The following FZD3 variants were observed in gnomAD, a reference collection of about 807,000 sequenced individuals.
The protein encoded by FZD3 is frizzled class receptor 3.
Under a neutral mutation model 60.7 loss-of-function variants are expected in FZD3, and 30 were observed. The ratio of observed to expected loss-of-function variants is 0.49; its 90% CI spans 0.37 to 0.67. FZD3 has a LOEUF of 0.67. Among genes scored for constraint, FZD3 ranks in the 30% least tolerant of loss-of-function variants. The pLI, the probability that FZD3 is intolerant of heterozygous loss-of-function variation, is 0.00. For missense variants in FZD3, 605 were observed against 838.7 expected, an observed-to-expected ratio of 0.72 and a Z score of 3.44; for synonymous variants, 246 against 275.2, an observed-to-expected ratio of 0.89 and a Z score of 1.05.
rs1052841863 is a variant in FZD3 at position 28,569,627 on chromosome 8, G to A, written c.*6616G>A. 2.6e-5 allele frequency: 4 copies of A among 151,564 alleles called. No homozygotes were observed. Among genetic ancestry groups the A allele is most frequent in the Non-Finnish European group, 5.9e-5 (4 of 67,906 alleles). The allele number at this position is 151,564 out of a possible 1,614,324, so 9.4% of individuals were successfully genotyped here. On this transcript the variant is annotated 3_prime_UTR_variant, in exon 8 of 8. Coordinates refer to ENST00000240093, the MANE Select transcript of FZD3 (RefSeq NM_017412.4). Reference sequence around the variant, plus strand: ...TAACGTCATTTACATGTAAATTGATGGGATTCAGATATTTTATCAACTGTT... The same window carrying A: ...TAACGTCATTTACATGTAAATTGATAGGATTCAGATATTTTATCAACTGTT...
Position 28,567,727 on chromosome 8 carries a change from C to T in FZD3, c.*4716C>T, listed in dbSNP as rs1055011066. 6.6e-6 allele frequency: 1 copy of T among 152,062 alleles called. No individual in the cohort carries two copies. Among genetic ancestry groups the T allele is most frequent in the African/African-American group, 2.4e-5 (1 of 41,398 alleles). 9.4% of individuals were successfully genotyped at this position (152,062 alleles called of 1,614,324 possible). ...TCTTTAAATCGGTCATCCAATTAAC[C>T]TTTAAAAAGTAGGTTATGCTCTTAA... is the stretch of plus-strand genomic sequence containing the variant. On this transcript the variant is annotated 3_prime_UTR_variant, in exon 8 of 8. Coordinates refer to ENST00000240093, the MANE Select transcript of FZD3 (RefSeq NM_017412.4).
At chr8:28,514,720 C>G (rs1329666705) in intron 3 of FZD3, among the ~76,000 whole-genome samples, 2 of 152,144 alleles carry the variant, frequency 1.3e-5, no homozygotes, top group African/African-American at 2.4e-5. Context: ...TTTTTAAAAA[C>G]TTCATTCCTG....
At chr8:28,552,055 CT>C (rs1352092063) in intron 6 of FZD3, among the ~76,000 whole-genome samples, 2 of 152,288 alleles carry the variant, frequency 1.3e-5, no homozygotes, top group East Asian at 3.9e-4. Context: ...CAAATTAATG[CT>C]TTTCTCTACA....
At position 28,566,843 on chromosome 8, in the gene FZD3, TTA is replaced by T. The variant is rs1223187575; in HGVS notation, c.*3834_*3835del. The stretch of plus-strand genomic sequence containing the variant: ...CATGATGTCAACTGGGCTGGTCATT[TTA>T]TTTCTCTGAGTCTTTGTTTCTTCAA... On this transcript the variant is annotated 3_prime_UTR_variant, in exon 8 of 8. Transcript: ENST00000240093. 6.6e-6 allele frequency: 1 copy of T among 152,220 alleles called. No homozygotes were observed. Among genetic ancestry groups the T allele is most frequent in the Non-Finnish European group, 1.5e-5 (1 of 68,034 alleles). The allele number at this position is 152,220 out of a possible 1,614,324, so 9.4% of individuals were successfully genotyped here. A position where few individuals can be genotyped will look rare whatever the true frequency, so the allele number is the denominator to read the frequency against.
chr8:28,497,603 A>G (rs975780310), intron 1 of FZD3, among the ~76,000 whole-genome samples: 4 of 152,198 alleles, frequency 2.6e-5, no homozygotes, highest in Admixed American at 2.6e-4. Context: ...CCTTTAGATG[A>G]TCTTTCTCAA....
chr8:28,540,837 C>T (rs1805147488), intron 5 of FZD3, among the ~76,000 whole-genome samples: 1 of 152,034 alleles, frequency 6.6e-6, no homozygotes, highest in Admixed American at 6.6e-5. Flanking sequence ...CCCAGATACT[C>T]AGGAGGCTGA....
intron 3 of FZD3, among the ~76,000 whole-genome samples, chr8:28,510,119 TTTTTTTG>T (rs1249235955): frequency 6.8e-6 from 1 of 147,200 alleles, no homozygotes; most frequent in African/African-American, 2.5e-5. Flanking sequence ...TTTGTTTTTG[TTTTTTTG>T]TTTTTTGTTT....
At chr8:28,555,432 TGAAG>T (rs1260966590) in intron 6 of FZD3, among the ~76,000 whole-genome samples, 2 of 152,146 alleles carry the variant, frequency 1.3e-5, no homozygotes, top group East Asian at 1.9e-4. Context: ...GATGAAGAAA[TGAAG>T]GAAAGAAAGA....
chr8:28,497,159 T>G (rs1803865487), intron 1 of FZD3, among the ~76,000 whole-genome samples: 1 of 152,236 alleles, frequency 6.6e-6, no homozygotes, highest in Non-Finnish European at 1.5e-5. Context: ...TTCCTCTGTG[T>G]GTGTGTTTTA....
intron 5 of FZD3, among the ~76,000 whole-genome samples, chr8:28,537,579 A>G (rs1805050059): frequency 6.6e-6 from 1 of 152,234 alleles, no homozygotes. Flanking sequence ...ATAGACAGTA[A>G]GTCAGCAAAT....
intron 3 of FZD3, among the ~76,000 whole-genome samples, chr8:28,510,237 G>T (rs540164036): frequency 6.6e-6 from 1 of 152,186 alleles, no homozygotes; most frequent in East Asian, 1.9e-4. Context: ...TTCAATGTCT[G>T]TTGATGGACA....
intron 3 of FZD3, among the ~76,000 whole-genome samples, chr8:28,510,179 T>C (rs1804248437): frequency 6.6e-6 from 1 of 152,170 alleles, no homozygotes; most frequent in South Asian, 2.1e-4. Flanking sequence ...ATGATCCTTA[T>C]TTTTTTATAG....
rs1224684762 is a variant in FZD3 at position 28,527,768 on chromosome 8, G to A, written c.1008G>A (p.Trp336Ter). The A allele has an allele frequency of 6.2e-7, 1 of 1,614,150 alleles. No homozygotes were observed. The highest frequency in any genetic ancestry group is 1.1e-5 in the South Asian group (1 of 91,078). The change falls in exon 5 of 8, where the codon TGG becomes TGA. Residue 336 changes from tryptophan to a stop codon, truncating the protein, a stop_gained. Coordinates refer to ENST00000240093, the MANE Select transcript of FZD3 (RefSeq NM_017412.4). LOFTEE classifies it high-confidence loss of function. This position sits in a 1 kb window ranked among gnomAD's most constrained non-coding sequence, Gnocchi z 5.0. Reference protein sequence around the residue: ...KKALLFHASAWGIPGTLTIIL... With the variant: ...KKALLFHASA The stretch of plus-strand genomic sequence containing the variant: ...CATTGCTGTTTCACGCCAGTGCATG[G>A]GGCATCCCCGGAACTCTAACCATCA...
chr8:28,512,379 G>A (rs1369391650), intron 3 of FZD3, among the ~76,000 whole-genome samples: 4 of 152,090 alleles, frequency 2.6e-5, no homozygotes, highest in Admixed American at 6.6e-5. Context: ...TCCTGGTTTG[G>A]TTGAAAAACA....
intron 4 of FZD3, among the ~76,000 whole-genome samples, chr8:28,526,128 T>A (rs1563391785): frequency 1.3e-5 from 2 of 152,092 alleles, no homozygotes; most frequent in South Asian, 4.1e-4. Context: ...ATAGATATAT[T>A]AGTATTGGGT....
chr8:28,561,745 A>C (rs1241111040), intron 7 of FZD3, among the ~76,000 whole-genome samples: 1 of 152,220 alleles, frequency 6.6e-6, no homozygotes, highest in African/African-American at 2.4e-5. Flanking sequence ...ATAGGTGTTA[A>C]GTATAAACAA....
chr8:28,498,923 A>T (rs1311146180), intron 1 of FZD3, among the ~76,000 whole-genome samples: 1 of 152,232 alleles, frequency 6.6e-6, no homozygotes, highest in Non-Finnish European at 1.5e-5. Context: ...TTGATTGGTT[A>T]TCTGATTTTT....
At chr8:28,524,930 T>G (rs1585969692) in intron 4 of FZD3, among the ~76,000 whole-genome samples, 2 of 152,214 alleles carry the variant, frequency 1.3e-5, no homozygotes, top group African/African-American at 4.8e-5. Context: ...TATCTTCTGT[T>G]CCTACTTCAT....
At position 28,517,701 on chromosome 8, in the gene FZD3, A is replaced by G. The variant is rs113299976; in HGVS notation, c.190-2937A>G. Among the ~76,000 whole-genome samples the G allele has an allele frequency of 9.1e-3, 1,389 of 152,142 alleles. 24 individuals carry two copies. Among genetic ancestry groups the G allele is most frequent in the African/African-American group, 0.031 (1,302 of 41,540 alleles). ...CCAGTCCTATCTTCTGATAGCTCTA[A>G]TAAGTTCTTAATTTCAGTAATTATA... On this transcript the variant is annotated intron_variant, in intron 3 of 7. Coordinates refer to ENST00000240093, the MANE Select transcript of FZD3 (RefSeq NM_017412.4).
Sources: allele counts gnomAD v4.1 joint callset (sites outside exome capture counted in the v4.1 genomes callset), GRCh38; gene constraint gnomAD v4.1.1; non-coding constraint Gnocchi (gnomAD v3.1); transcripts MANE v1.5; gene names NCBI Gene and HGNC (gene_info 2026-07-23, HGNC 2026-07-21).